Variants in AGAP2 observed in about 807,000 individuals in gnomAD.
AGAP2 encodes arf-GAP with GTPase, ANK repeat and PH domain-containing protein 2.
Under a neutral mutation model 110.9 loss-of-function variants are expected in AGAP2, and 32 were observed. The observed-to-expected ratio is 0.29, with a 90% CI of 0.22 to 0.39. The LOEUF (loss-of-function observed/expected upper bound fraction) is 0.39. Among genes scored for constraint, AGAP2 ranks in the 10% least tolerant of loss-of-function variants. The probability of loss-of-function intolerance (pLI) is 1.00; values close to 1 mark genes in which losing one functional copy is unlikely to be tolerated. For synonymous variants in AGAP2, 702 were observed against 713.0 expected, an observed-to-expected ratio of 0.98 and a Z score of 0.25; for missense variants, 1,285 against 1,638.5, an observed-to-expected ratio of 0.78 and a Z score of 3.72.
Position 57,734,626 on chromosome 12 carries a change from C to T in AGAP2, c.1281G>A (p.Leu427=), listed in dbSNP as rs748775183. The T allele has an allele frequency of 6.2e-7, 1 of 1,614,186 alleles. No homozygotes were observed. The highest frequency in any genetic ancestry group is 8.5e-7 in the Non-Finnish European group (1 of 1,180,036). Residue 427 remains leucine, a synonymous_variant, in exon 3 of 19, where the codon CTG becomes CTA. Transcript: ENST00000547588. The part of the protein sequence containing the change: ...SGKSSLIHRF[L]TGSYQVLEKT... ...TCTCCAGCACCTGGTATGAGCCAGT[C>T]AGGAATCGGTGGATGAGCGATGACT...
At position 57,738,342 on chromosome 12, in the gene AGAP2, G is replaced by A; in HGVS notation, c.-96C>T. ...GGGGCCGCCCTGCTCGCTGCCCCCAGCCCCCGGACCCCGCTGAGCCCCCGG... is the reference window on the plus strand; with the variant it reads ...GGGGCCGCCCTGCTCGCTGCCCCCAACCCCCGGACCCCGCTGAGCCCCCGG... On this transcript the variant is annotated 5_prime_UTR_variant, in exon 1 of 19. Transcript: ENST00000547588. This position sits in a 1 kb window ranked among gnomAD's most constrained non-coding sequence, Gnocchi z 6.7. 7.7e-7 allele frequency: 1 copy of A among 1,299,426 alleles called. No individual in the cohort carries two copies. The highest frequency in any genetic ancestry group is 9.8e-7 in the Non-Finnish European group (1 of 1,023,956). 80.5% of individuals were successfully genotyped at this position (1,299,426 alleles called of 1,614,324 possible). A position where few individuals can be genotyped will look rare whatever the true frequency, so the allele number is the denominator to read the frequency against.
intron 12 of AGAP2, 41 bp downstream of exon 12, chr12:57,730,454 T>C: frequency 6.2e-7 from 1 of 1,610,290 alleles, no homozygotes; most frequent in Non-Finnish European, 8.5e-7. Flanking sequence ...TCATCCTATT[T>C]GGGTGTGGAA....
In AGAP2 at chr12:57,738,270, G is replaced by T. The variant is rs1955030069; in HGVS notation, c.-24C>A. On this transcript the variant is annotated 5_prime_UTR_variant, in exon 1 of 19. Transcript: ENST00000547588. This position sits in a 1 kb window ranked among gnomAD's most constrained non-coding sequence, Gnocchi z 6.7. Reference sequence around the variant, plus strand: ...ATGGGGCCCGGAGACCCCCGAGCTGGGGAGGGGAGGGGACTCCCCCGGACT... The same window carrying T: ...ATGGGGCCCGGAGACCCCCGAGCTGTGGAGGGGAGGGGACTCCCCCGGACT... The T allele has an allele frequency of 6.7e-7, 1 of 1,489,784 alleles. No individual in the cohort carries two copies. The highest frequency in any genetic ancestry group is 1.5e-5 in the African/African-American group (1 of 68,538). The allele number at this position is 1,489,784 out of a possible 1,614,324, so 92.3% of individuals were successfully genotyped here.
At chr12:57,735,320 T>C in intron 2 of AGAP2, 49 bp downstream of exon 2, 1 of 1,533,838 alleles carries the variant, frequency 6.5e-7, no homozygotes. Flanking sequence ...GAGAGTGCAG[T>C]GGGTGGGAGG....
intron 8 of AGAP2, 67 bp downstream of exon 8, chr12:57,731,742 G>A: frequency 6.3e-7 from 1 of 1,576,158 alleles, no homozygotes; most frequent in East Asian, 2.3e-5. Flanking sequence ...AGGAGTCTAG[G>A]GACTAGGGAA....
chr12:57,731,061 G>T, intron 10 of AGAP2, 108 bp from the exon 11 acceptor site: 1 of 1,196,924 alleles, frequency 8.4e-7, no homozygotes, highest in Non-Finnish European at 1.1e-6. Flanking sequence ...GGTCTTGGGG[G>T]CCAAATGGGT....
chr12:57,730,509 C>G lies in AGAP2; in HGVS notation c.2414G>C (p.Arg805Pro), dbSNP rs149269984. ...HLLKPDRNLA[R>P]ALSTDCTPSG... ...TCCCCACTGACCCGTGCTGAGGGCT[C>G]GGGCCAAATTCCGGTCTGGCTTCAG... Residue 805 changes from arginine to proline, a missense_variant, in exon 12 of 19, where the codon CGA becomes CCA. Physicochemically the swap from Arg to Pro is moderately radical, Grantham distance 103. Around this residue, in one of 7 missense-constraint regions of AGAP2, gnomAD observed 135 missense variants for 182.0 expected, o/e 0.74. Coordinates refer to ENST00000547588, the MANE Select transcript of AGAP2 (RefSeq NM_001122772.3). 5 of 1,614,128 alleles carry G rather than the reference C, an allele frequency of 3.1e-6. No homozygotes were observed. The highest frequency in any genetic ancestry group is 2.2e-5 in the East Asian group (1 of 44,886).
At chr12:57,728,465 A>G in intron 13 of AGAP2, 88 bp from the exon 14 acceptor site, 1 of 1,238,438 alleles carries the variant, frequency 8.1e-7, no homozygotes, top group South Asian at 1.3e-5. Flanking sequence ...AAAGACAGGT[A>G]GATGGAGAGA....
chr12:57,733,590 A>G (rs1044053879), intron 5 of AGAP2, among the ~76,000 whole-genome samples: 4 of 151,982 alleles, frequency 2.6e-5, no homozygotes, highest in Non-Finnish European at 5.9e-5. Context: ...TTTCATCATC[A>G]TTTCCTTTGT....
At position 57,727,172 on chromosome 12, in the gene AGAP2, C is replaced by A. The variant is rs767452529; in HGVS notation, c.3138G>T (p.Pro1046=). 1.1e-5 allele frequency: 17 copies of A among 1,608,942 alleles called. No homozygotes were observed. The highest frequency in any genetic ancestry group is 1.4e-5 in the Non-Finnish European group (17 of 1,178,546). Residue 1046 remains proline, a synonymous_variant, in exon 18 of 19, where the codon CCG becomes CCT. Coordinates refer to ENST00000547588, the MANE Select transcript of AGAP2 (RefSeq NM_001122772.3). ...AKYEQLLFLA[P]LSTSEEPLGR... is the part of the protein sequence containing the mutation. ...CCAGCGGCTCCTCCGAGGTGCTCAG[C>A]GGCGCCAGGAACAGTAGCTGCTCGT...
chr12:57,733,179 G>A (rs1954919223), intron 5 of AGAP2, among the ~76,000 whole-genome samples, 200 bp from the exon 6 acceptor site: 1 of 151,244 alleles, frequency 6.6e-6, no homozygotes, highest in Non-Finnish European at 1.5e-5. Context: ...CACCTAGCTG[G>A]GTGAGCTGTG....
At chr12:57,734,458 C>A in intron 3 of AGAP2, 54 bp from the exon 4 acceptor site, 1 of 1,596,308 alleles carries the variant, frequency 6.3e-7, no homozygotes, top group South Asian at 1.1e-5. Flanking sequence ...GTCACCAAAC[C>A]TCCCCATGCT....
chr12:57,729,436 G>T (rs1021377670), intron 13 of AGAP2, among the ~76,000 whole-genome samples: 2 of 151,830 alleles, frequency 1.3e-5, no homozygotes, highest in Non-Finnish European at 2.9e-5. Context: ...AGGGGCTGGG[G>T]AAAGGAATTA....
rs371196891 is a variant in AGAP2 at position 57,726,958 on chromosome 12, C to G, written c.3336+16G>C. The G allele has an allele frequency of 3.9e-6, 6 of 1,526,214 alleles. No individual in the cohort carries two copies. Among genetic ancestry groups the G allele is most frequent in the African/African-American group, 1.4e-5 (1 of 72,320 alleles). 94.5% of individuals were successfully genotyped at this position (1,526,214 alleles called of 1,614,324 possible). A position where few individuals can be genotyped will look rare whatever the true frequency, so the allele number is the denominator to read the frequency against. On this transcript the variant is annotated intron_variant, in intron 18 of 18. Coordinates refer to ENST00000547588, the MANE Select transcript of AGAP2 (RefSeq NM_001122772.3). The surrounding 1 kb of genome is among the most constrained non-coding windows in gnomAD (Gnocchi z 5.7). ...GAAGCCTCAAAGACCCCCTTTCCTC[C>G]CCCCAGCTCACGTACCCACAGCAGC...
Position 57,734,508 on chromosome 12 carries a change from G to A in AGAP2, c.1315+84C>T. On this transcript the variant is annotated intron_variant, in intron 3 of 18. Transcript: ENST00000547588. ...TATTATGGCCTCATCCTTCCCCCCT[G>A]GTCTCCACACCTGCCTAATCATTGA... The A allele has an allele frequency of 1.9e-6, 3 of 1,585,108 alleles. No individual in the cohort carries two copies. In the South Asian group the frequency reaches 3.3e-5, roughly 18 times the overall value.
At chr12:57,730,719 C>G (rs1954869021) in intron 11 of AGAP2, 72 bp downstream of exon 11, 1 of 1,609,228 alleles carries the variant, frequency 6.2e-7, no homozygotes, top group Non-Finnish European at 8.5e-7. Context: ...TGCCAGCCCC[C>G]TCTTCCCTCT....
chr12:57,726,184 C>G lies in AGAP2; in HGVS notation c.*368G>C, dbSNP rs764521655. 3.3e-4 allele frequency: 53 copies of G among 159,682 alleles called. No individual in the cohort carries two copies. Among genetic ancestry groups the G allele is most frequent in the South Asian group, 2.0e-3 (10 of 4,904 alleles). 9.9% of individuals were successfully genotyped at this position (159,682 alleles called of 1,614,324 possible). A position where few individuals can be genotyped will look rare whatever the true frequency, so the allele number is the denominator to read the frequency against. Reference sequence around the variant, plus strand: ...GGGCTCCCGCCCTGGGATTGTTGAGCTCGGGCAGGACCGGGTCTTCTTTCC... The same window carrying G: ...GGGCTCCCGCCCTGGGATTGTTGAGGTCGGGCAGGACCGGGTCTTCTTTCC... On this transcript the variant is annotated 3_prime_UTR_variant, in exon 19 of 19. Transcript: ENST00000547588. This position sits in a 1 kb window ranked among gnomAD's most constrained non-coding sequence, Gnocchi z 5.7.
At chr12:57,733,021 A>G in intron 5 of AGAP2, 42 bp from the exon 6 acceptor site, 1 of 1,610,474 alleles carries the variant, frequency 6.2e-7, no homozygotes, top group South Asian at 1.1e-5. Flanking sequence ...AAGGAGCCCC[A>G]CCTTGTTCGA....
chr12:57,735,294 G>C, intron 2 of AGAP2, 75 bp downstream of exon 2: 1 of 1,347,948 alleles, frequency 7.4e-7, no homozygotes, highest in South Asian at 1.2e-5. Context: ...AGAAGGAGAG[G>C]TGAAGGGAGA....
Sources: allele counts gnomAD v4.1 joint callset (sites outside exome capture counted in the v4.1 genomes callset), GRCh38; gene constraint gnomAD v4.1.1; regional missense constraint gnomAD v4.1.1; non-coding constraint Gnocchi (gnomAD v3.1); transcripts MANE v1.5; gene names NCBI Gene and HGNC (gene_info 2026-07-23, HGNC 2026-07-21).